The following CEP57 variants were observed in gnomAD, a reference collection of about 807,000 sequenced individuals.
CEP57 encodes the protein centrosomal protein 57, also known as centrosomal protein of 57 kDa.
A neutral mutation model predicts 68.0 loss-of-function variants in CEP57; 40 were observed. That is an observed-to-expected ratio of 0.59 (90% confidence interval 0.46 to 0.77). CEP57 has a LOEUF of 0.77. CEP57 is among the 30% of genes least tolerant of loss of function. The probability of loss-of-function intolerance (pLI) is 0.00; values close to 1 mark genes in which losing one functional copy is unlikely to be tolerated. For missense variants in CEP57, 606 were observed against 580.7 expected (o/e 1.04, Z -0.45); for synonymous variants, 219 against 198.7 (o/e 1.10, Z -0.86).
intron 1 of CEP57, among the ~76,000 whole-genome samples, chr11:95,794,038 G>C (rs1260289186): frequency 6.6e-6 from 1 of 152,126 alleles, no homozygotes; most frequent in Non-Finnish European, 1.5e-5. Flanking sequence ...ATCCAACAGA[G>C]CGAATGCAGA....
chr11:95,813,202 G>T (rs1862146184), intron 3 of CEP57, 91 bp downstream of exon 3: 1 of 1,320,678 alleles, frequency 7.6e-7, no homozygotes, highest in Middle Eastern at 2.6e-4. Flanking sequence ...GTGTTTTGTA[G>T]CGGTATCTTC....
At chr11:95,812,458 C>G (rs2135316187) in intron 2 of CEP57, among the ~76,000 whole-genome samples, 1 of 152,142 alleles carries the variant, frequency 6.6e-6, no homozygotes, top group East Asian at 1.9e-4. Flanking sequence ...CAGAATCTCA[C>G]TGTCGCCCAG....
intron 2 of CEP57, among the ~76,000 whole-genome samples, chr11:95,804,688 G>GAGC (rs1861718921): frequency 6.6e-6 from 1 of 152,082 alleles, no homozygotes; most frequent in African/African-American, 2.4e-5. Context: ...TACATAATGA[G>GAGC]AGCTATACAT....
upstream of CEP57, chr11:95,790,392 G>T (rs910128891): frequency 1.0e-5 from 5 of 489,852 alleles, no homozygotes; most frequent in Non-Finnish European, 1.8e-5. Flanking sequence ...GCCCCGTTAC[G>T]CGCTACCTTG....
chr11:95,811,318 A>G (rs1188107877), intron 2 of CEP57, among the ~76,000 whole-genome samples: 1 of 151,938 alleles, frequency 6.6e-6, no homozygotes, highest in East Asian at 1.9e-4. Flanking sequence ...TTCTGAACAA[A>G]CTATTGCAAG....
At chr11:95,798,263 A>G (rs1036934521) in intron 1 of CEP57, among the ~76,000 whole-genome samples, 1 of 152,202 alleles carries the variant, frequency 6.6e-6, no homozygotes, top group Non-Finnish European at 1.5e-5. Flanking sequence ...TCACCTGGAA[A>G]TTTGCATGAT....
intron 1 of CEP57, among the ~76,000 whole-genome samples, chr11:95,796,670 A>G (rs533511409): frequency 3.9e-5 from 6 of 152,284 alleles, no homozygotes; most frequent in East Asian, 1.9e-4. Flanking sequence ...GTGTACTACA[A>G]TTATTTTAAT....
intron 2 of CEP57, among the ~76,000 whole-genome samples, chr11:95,801,254 T>C (rs1401037279): frequency 1.3e-5 from 2 of 152,146 alleles, no homozygotes; most frequent in African/African-American, 4.8e-5. Flanking sequence ...TAGTGTGATG[T>C]CTTTTAAGAA....
intron 1 of CEP57, 90 bp from the exon 2 acceptor site, chr11:95,799,142 A>T: frequency 7.8e-7 from 1 of 1,288,820 alleles, no homozygotes; most frequent in Non-Finnish European, 1.1e-6. Flanking sequence ...GTCTGTATGG[A>T]CAGTCAATCT....
intron 5 of CEP57, 126 bp from the exon 6 acceptor site, chr11:95,818,701 A>T: frequency 1.4e-6 from 1 of 717,068 alleles, no homozygotes; most frequent in Non-Finnish European, 2.5e-6. Context: ...AGCCTCCATT[A>T]CTACAGTGAT....
At chr11:95,818,038 GAA>G in intron 5 of CEP57, 135 bp downstream of exon 5, 2 of 655,422 alleles carry the variant, frequency 3.1e-6, no homozygotes, top group Non-Finnish European at 5.5e-6. Flanking sequence ...GTTTTAAAAA[GAA>G]AATATAAATT....
chr11:95,816,419 ATATTAT>A (rs1392107403), intron 4 of CEP57, among the ~76,000 whole-genome samples: 1 of 152,184 alleles, frequency 6.6e-6, no homozygotes, highest in African/African-American at 2.4e-5. Flanking sequence ...CAATAATCAT[ATATTAT>A]TATTATGTCT....
At chr11:95,795,860 T>C (rs1223403513) in intron 1 of CEP57, among the ~76,000 whole-genome samples, 1 of 152,178 alleles carries the variant, frequency 6.6e-6, no homozygotes, top group African/African-American at 2.4e-5. Context: ...CACAAACTCT[T>C]TTTTTCAGCT....
Position 95,831,333 on chromosome 11 carries a change from C to G in CEP57, c.*77C>G. On this transcript the variant is annotated 3_prime_UTR_variant, in exon 11 of 11. Transcript: ENST00000325542. ...GATGATGACAATTTACTTCCCAGGT[C>G]TCATACTCACTTATGTTGGAATTAA... The G allele has an allele frequency of 9.9e-7, 1 of 1,007,492 alleles. No individual in the cohort carries two copies. The highest frequency in any genetic ancestry group is 1.5e-6 in the Non-Finnish European group (1 of 648,812). 62.4% of individuals were successfully genotyped at this position (1,007,492 alleles called of 1,614,324 possible). A position where few individuals can be genotyped will look rare whatever the true frequency, so the allele number is the denominator to read the frequency against.
chr11:95,813,710 C>T, intron 4 of CEP57, 121 bp downstream of exon 4: 1 of 1,187,792 alleles, frequency 8.4e-7, no homozygotes, highest in South Asian at 1.3e-5. Flanking sequence ...ACTGAAATTT[C>T]TTGGCATCAG....
intron 2 of CEP57, among the ~76,000 whole-genome samples, chr11:95,801,605 A>G (rs899489488): frequency 1.3e-5 from 2 of 152,194 alleles, no homozygotes; most frequent in Non-Finnish European, 2.9e-5. Context: ...TCCTTCAACT[A>G]TAATATTGTA....
intron 2 of CEP57, 122 bp downstream of exon 2, chr11:95,799,510 G>A: frequency 2.5e-6 from 3 of 1,189,120 alleles, no homozygotes; most frequent in Non-Finnish European, 3.7e-6. Context: ...TCCAGTTTCA[G>A]CCCCCAGAAA....
intron 1 of CEP57, chr11:95,794,471 T>C: frequency 2.7e-6 from 1 of 370,480 alleles, no homozygotes; most frequent in Middle Eastern, 9.1e-4. Flanking sequence ...GTCCCACTTG[T>C]AAATTTTTGC....
intron 1 of CEP57, among the ~76,000 whole-genome samples, chr11:95,793,217 C>G (rs1459617420): frequency 6.6e-6 from 1 of 152,136 alleles, no homozygotes; most frequent in Non-Finnish European, 1.5e-5. Context: ...TGAGTGATTG[C>G]TCTGGAATTG....
Sources: allele counts gnomAD v4.1 joint callset (sites outside exome capture counted in the v4.1 genomes callset), GRCh38; gene constraint gnomAD v4.1.1; transcripts MANE v1.5; gene names NCBI Gene and HGNC (gene_info 2026-07-23, HGNC 2026-07-21).